FAM178B: variants seen among roughly 807,000 people sequenced by gnomAD.
FAM178B encodes the protein protein FAM178B.
FAM178B carries 82 observed loss-of-function variants against 91.7 expected under a neutral mutation model. That is an observed-to-expected ratio of 0.89 (90% CI 0.75 to 1.07). FAM178B has a LOEUF of 1.07. Ranked by LOEUF, FAM178B falls within the 50% of genes least tolerant of loss-of-function variation. The pLI, the probability that FAM178B is intolerant of heterozygous loss-of-function variation, is 0.00. For synonymous variants in FAM178B, 368 were observed against 359.4 expected (o/e 1.02, Z -0.27); for missense variants, 769 against 846.7 (o/e 0.91, Z 1.14).
intron 12 of FAM178B, among the ~76,000 whole-genome samples, chr2:96,905,842 ATATATATATATATATATATTTTTTTTTTT>A (rs1357505019): frequency 1.8e-4 from 5 of 28,002 alleles, no homozygotes; most frequent in Non-Finnish European, 2.6e-4. Context: ...ATATATATAT[ATATATATATATATATATATTTTTTTTTTT>A]TTTTTTTTTT....
chr2:96,880,287 T>C (rs2080347403), intron 14 of FAM178B, among the ~76,000 whole-genome samples: 1 of 151,980 alleles, frequency 6.6e-6, no homozygotes, highest in East Asian at 1.9e-4. Context: ...TGACAGACCC[T>C]GAGGGCGGTT....
chr2:96,909,138 G>C (rs1267424720), intron 12 of FAM178B, among the ~76,000 whole-genome samples: 60 of 126,404 alleles, frequency 4.7e-4, no homozygotes, highest in Non-Finnish European at 7.3e-4. Flanking sequence ...TCAAGACTCT[G>C]TCTCAAAAAA....
intron 7 of FAM178B, among the ~76,000 whole-genome samples, chr2:96,948,264 G>GT (rs1043120880): frequency 1.5e-4 from 23 of 152,236 alleles, no homozygotes; most frequent in African/African-American, 4.8e-4. Context: ...AGGGCCCAGC[G>GT]TAAGGGGAGA....
intron 12 of FAM178B, among the ~76,000 whole-genome samples, chr2:96,909,329 T>A (rs1484832483): frequency 6.6e-6 from 1 of 152,132 alleles, no homozygotes; most frequent in Non-Finnish European, 1.5e-5. Context: ...AAGGAAATCG[T>A]TCCCATATTT....
At chr2:96,934,285 C>CAG (rs1351308083) in intron 8 of FAM178B, among the ~76,000 whole-genome samples, 1 of 152,194 alleles carries the variant, frequency 6.6e-6, no homozygotes. Flanking sequence ...GGGAGCCTGG[C>CAG]AGAGACCTGA....
At chr2:96,971,259 C>T (rs2082213283) in intron 3 of FAM178B, among the ~76,000 whole-genome samples, 1 of 147,096 alleles carries the variant, frequency 6.8e-6, no homozygotes, top group South Asian at 2.2e-4. Flanking sequence ...CCCTCCCTCC[C>T]TCTCTCTCCT....
chr2:96,890,100 A>T (rs2080635157), intron 14 of FAM178B, among the ~76,000 whole-genome samples: 1 of 152,042 alleles, frequency 6.6e-6, no homozygotes, highest in Non-Finnish European at 1.5e-5. Context: ...ACATGGCAAA[A>T]CCCGTCTCTA....
At chr2:96,957,945 C>G (rs1309627795) in intron 6 of FAM178B, among the ~76,000 whole-genome samples, 1 of 151,266 alleles carries the variant, frequency 6.6e-6, no homozygotes, top group African/African-American at 2.4e-5. Context: ...CTTTTATGTT[C>G]AAAAAATGAG....
intron 6 of FAM178B, 53 bp downstream of exon 6, chr2:96,960,235 G>C (rs1406956046): frequency 6.5e-7 from 1 of 1,538,454 alleles, no homozygotes; most frequent in African/African-American, 1.4e-5. Flanking sequence ...CTCCAGGAGG[G>C]AGGGGTCCTG....
chr2:96,982,735 ATTTTTTT>A (rs58540459), intron 1 of FAM178B, among the ~76,000 whole-genome samples: 57 of 52,230 alleles, frequency 1.1e-3, no homozygotes, highest in Admixed American at 7.9e-4. Context: ...TGCCCAGCTA[ATTTTTTT>A]TTTTTTTTTT....
chr2:96,958,774 T>C (rs1309921181), intron 6 of FAM178B, among the ~76,000 whole-genome samples: 1 of 145,506 alleles, frequency 6.9e-6, no homozygotes, highest in Non-Finnish European at 1.5e-5. Context: ...ATTAGCACTA[T>C]TAAGAAATTA....
In FAM178B at chr2:96,894,010, T is replaced by A. The variant is rs2080747737; in HGVS notation, c.1692A>T (p.Ser564=). Residue 564 remains serine (S), a synonymous_variant, in exon 14 of 17, where the codon TCA becomes TCT. Transcript: ENST00000490605. ...CAGAGTCCAGGTATTGCCTGAGAGA[T>A]GATGGCCTCATGAGGCCCAGGAGCC... ...LSRLLGLMRP[S]SLRQYLDSVP... 1 of 1,612,474 alleles carries A rather than the reference T, an allele frequency of 6.2e-7. No individual in the cohort carries two copies. Among genetic ancestry groups the A allele is most frequent in the African/African-American group, 1.3e-5 (1 of 74,958 alleles).
chr2:96,939,663 G>C (rs1209752501), intron 8 of FAM178B, among the ~76,000 whole-genome samples: 4 of 152,304 alleles, frequency 2.6e-5, no homozygotes, highest in East Asian at 1.9e-4. Context: ...GCAGCACAGA[G>C]AGTCAGAGAG....
intron 8 of FAM178B, among the ~76,000 whole-genome samples, chr2:96,942,481 C>T (rs1046238465): frequency 6.6e-6 from 1 of 152,226 alleles, no homozygotes; most frequent in Admixed American, 6.5e-5. Flanking sequence ...CAACCTCCGC[C>T]TCCTAGGTTC....
At chr2:96,977,433 A>G (rs1365994954) in intron 1 of FAM178B, among the ~76,000 whole-genome samples, 1 of 149,250 alleles carries the variant, frequency 6.7e-6, no homozygotes, top group East Asian at 2.0e-4. Flanking sequence ...AAAAACGTGA[A>G]CGACCGTGCC....
chr2:96,883,986 AAGATC>A (rs1559048520), intron 14 of FAM178B, among the ~76,000 whole-genome samples: 11 of 152,184 alleles, frequency 7.2e-5, no homozygotes, highest in Non-Finnish European at 1.5e-4. Context: ...ACACGGACTG[AAGATC>A]GACTCTAGAG....
intron 14 of FAM178B, among the ~76,000 whole-genome samples, chr2:96,883,480 C>A (rs2080439744): frequency 6.6e-6 from 1 of 152,212 alleles, no homozygotes; most frequent in Non-Finnish European, 1.5e-5. Context: ...AGAATCCAGT[C>A]TTAACCCCGG....
intron 1 of FAM178B, among the ~76,000 whole-genome samples, chr2:96,977,024 G>C (rs2082297139): frequency 6.6e-6 from 1 of 151,420 alleles, no homozygotes; most frequent in Admixed American, 6.6e-5. Context: ...GGGAAACCCT[G>C]TCTGTACTAA....
intron 9 of FAM178B, among the ~76,000 whole-genome samples, chr2:96,925,634 G>T (rs927837373): frequency 1.3e-5 from 2 of 152,086 alleles, no homozygotes; most frequent in African/African-American, 4.8e-5. Flanking sequence ...CCCACCATTG[G>T]ACTCTTATGA....
Sources: allele counts gnomAD v4.1 joint callset (sites outside exome capture counted in the v4.1 genomes callset), GRCh38; gene constraint gnomAD v4.1.1; transcripts MANE v1.5; gene names NCBI Gene and HGNC (gene_info 2026-07-23, HGNC 2026-07-21).